The following ROR2 variants were observed in gnomAD, a reference collection of about 807,000 sequenced individuals.
ROR2 encodes the protein ROR family WNT receptor 2, also known as tyrosine-protein kinase transmembrane receptor ROR2.
In ROR2, 33 loss-of-function variants were observed where a neutral mutation model predicts 74.9. The observed-to-expected ratio is 0.44, with a 90% CI of 0.33 to 0.59. ROR2 has a LOEUF of 0.59. ROR2 is among the 20% of genes least tolerant of loss of function. ROR2 has a pLI of 0.02. For synonymous variants in ROR2, 586 were observed against 558.7 expected (o/e 1.05, Z -0.69); for missense variants, 1,216 against 1,313.8 (o/e 0.93, Z 1.15).
chr9:91,879,047 A>C (rs1830032354), intron 1 of ROR2, among the ~76,000 whole-genome samples: 2 of 152,180 alleles, frequency 1.3e-5, no homozygotes, highest in Non-Finnish European at 2.9e-5. Context: ...ATCTCAAAAA[A>C]AGAAAAAACA....
chr9:91,787,527 C>A (rs551118260), intron 1 of ROR2, among the ~76,000 whole-genome samples: 158 of 152,184 alleles, frequency 1.0e-3, no homozygotes, highest in African/African-American at 3.7e-3. Context: ...TAAATAAAAT[C>A]TTTCTTTTTA....
chr9:91,868,935 A>G (rs1414483112), intron 1 of ROR2, among the ~76,000 whole-genome samples: 1 of 152,246 alleles, frequency 6.6e-6, no homozygotes, highest in African/African-American at 2.4e-5. Context: ...GCAGTCTGGA[A>G]AACAGTTTGG....
At chr9:91,920,220 A>C (rs1365155281) in intron 1 of ROR2, among the ~76,000 whole-genome samples, 1 of 152,228 alleles carries the variant, frequency 6.6e-6, no homozygotes, top group Non-Finnish European at 1.5e-5. Flanking sequence ...AAGAATAAAC[A>C]CGATGGCCGG....
At chr9:91,789,400 G>C (rs1406201) in intron 1 of ROR2, among the ~76,000 whole-genome samples, 16,242 of 152,192 alleles carry the variant, frequency 0.11, 1,036 homozygotes, top group South Asian at 0.24. Context: ...AGGTAACTAA[G>C]TAGGTACTGT....
intron 4 of ROR2, among the ~76,000 whole-genome samples, chr9:91,751,756 G>A (rs367896355): frequency 1.3e-5 from 2 of 152,032 alleles, no homozygotes; most frequent in Non-Finnish European, 2.9e-5. Context: ...CAAAGCACAC[G>A]TATTTTTGAA....
chr9:91,838,068 GA>G (rs966865103), intron 1 of ROR2, among the ~76,000 whole-genome samples: 1 of 152,126 alleles, frequency 6.6e-6, no homozygotes, highest in African/African-American at 2.4e-5. Flanking sequence ...CCTTGTCTGG[GA>G]GTTTATTTAG....
intron 4 of ROR2, among the ~76,000 whole-genome samples, chr9:91,747,539 T>C (rs1446936408): frequency 6.6e-6 from 1 of 152,232 alleles, no homozygotes; most frequent in Admixed American, 6.5e-5. Flanking sequence ...ACTCTCCATT[T>C]ATACAGACAG....
intron 1 of ROR2, among the ~76,000 whole-genome samples, chr9:91,820,190 C>T (rs1013635460): frequency 2.6e-5 from 4 of 152,142 alleles, no homozygotes; most frequent in Non-Finnish European, 5.9e-5. Context: ...TTTTAAAATG[C>T]ACTGCCCCCA....
intron 1 of ROR2, among the ~76,000 whole-genome samples, chr9:91,858,890 T>C (rs1829381915): frequency 6.6e-6 from 1 of 152,026 alleles, no homozygotes; most frequent in Admixed American, 6.5e-5. Flanking sequence ...CATGCAGCTA[T>C]GGGGGACAGA....
At chr9:91,737,338 C>A (rs989439707) in intron 5 of ROR2, 53 bp downstream of exon 5, 15 of 1,612,774 alleles carry the variant, frequency 9.3e-6, no homozygotes, top group Non-Finnish European at 1.3e-5. Flanking sequence ...ATCTGTGCGA[C>A]AGATGGCTGT....
intron 1 of ROR2, among the ~76,000 whole-genome samples, chr9:91,817,261 G>A (rs1181991162): frequency 6.6e-6 from 1 of 152,210 alleles, no homozygotes. Flanking sequence ...GGCAGAACTG[G>A]ACTGTCCCCA....
intron 1 of ROR2, among the ~76,000 whole-genome samples, chr9:91,843,732 G>A (rs1828848423): frequency 6.6e-6 from 1 of 152,266 alleles, no homozygotes; most frequent in South Asian, 2.1e-4. Context: ...CCCCAGTAGA[G>A]ACAAGCCCCG....
At chr9:91,767,536 G>A (rs561801941) in intron 2 of ROR2, among the ~76,000 whole-genome samples, 48 of 152,296 alleles carry the variant, frequency 3.2e-4, no homozygotes, top group Non-Finnish European at 5.7e-4. Context: ...TTTGATTAGC[G>A]GGAAATAAAA....
chr9:91,858,548 CCAGGCATT>C (rs764695815), intron 1 of ROR2, among the ~76,000 whole-genome samples: 88 of 152,286 alleles, frequency 5.8e-4, no homozygotes, highest in Non-Finnish European at 1.0e-3. Flanking sequence ...GTGGGTGGGG[CCAGGCATT>C]GTGTACTTAA....
At chr9:91,874,241 C>T (rs551868046) in intron 1 of ROR2, among the ~76,000 whole-genome samples, 6 of 152,324 alleles carry the variant, frequency 3.9e-5, no homozygotes, top group South Asian at 2.1e-4. Flanking sequence ...GTAAAAGGTG[C>T]TCTGTGGCGG....
At chr9:91,927,225 T>C (rs1400587533) in intron 1 of ROR2, among the ~76,000 whole-genome samples, 1 of 152,158 alleles carries the variant, frequency 6.6e-6, no homozygotes, top group Non-Finnish European at 1.5e-5. Flanking sequence ...ACTCTCCAGG[T>C]CAGAGACCCA....
At chr9:91,865,802 A>G (rs892868150) in intron 1 of ROR2, among the ~76,000 whole-genome samples, 1 of 152,228 alleles carries the variant, frequency 6.6e-6, no homozygotes, top group Non-Finnish European at 1.5e-5. Flanking sequence ...CTTCTGAAAG[A>G]AGGGAAGAGC....
intron 2 of ROR2, among the ~76,000 whole-genome samples, chr9:91,761,530 G>C (rs1386981240): frequency 6.6e-6 from 1 of 152,148 alleles, no homozygotes; most frequent in Non-Finnish European, 1.5e-5. Context: ...GCTCCTATGA[G>C]AAGCTAATGC....
chr9:91,812,945 T>C (rs1377915874), intron 1 of ROR2, among the ~76,000 whole-genome samples: 1 of 152,188 alleles, frequency 6.6e-6, no homozygotes, highest in African/African-American at 2.4e-5. Context: ...ATCTGTCTCC[T>C]TACCGTAGAA....
Sources: allele counts gnomAD v4.1 joint callset (sites outside exome capture counted in the v4.1 genomes callset), GRCh38; gene constraint gnomAD v4.1.1; transcripts MANE v1.5; gene names NCBI Gene and HGNC (gene_info 2026-07-23, HGNC 2026-07-21).